CNTN5: variants seen among roughly 807,000 people sequenced by gnomAD.
CNTN5 encodes the protein contactin 5, also known as contactin-5.
A neutral mutation model predicts 129.1 loss-of-function variants in CNTN5; 77 were observed. That is an observed-to-expected ratio of 0.60 (90% CI 0.50 to 0.72). CNTN5 has a LOEUF of 0.72. CNTN5 is among the 30% of genes least tolerant of loss of function. CNTN5 has a pLI of 0.00. For synonymous variants in CNTN5, 509 were observed against 465.6 expected (o/e 1.09, Z -1.20); for missense variants, 1,478 against 1,328.8 (o/e 1.11, Z -1.75).
At chr11:100,058,388 A>G (rs1943325312) in intron 9 of CNTN5, among the ~76,000 whole-genome samples, 1 of 147,072 alleles carries the variant, frequency 6.8e-6, no homozygotes, top group Non-Finnish European at 1.5e-5. Flanking sequence ...ACTCACCATT[A>G]TGCTACTGCA....
chr11:99,887,189 C>T (rs777385023), intron 6 of CNTN5, among the ~76,000 whole-genome samples: 4 of 152,112 alleles, frequency 2.6e-5, no homozygotes, highest in Non-Finnish European at 5.9e-5. Context: ...TTCTCTCATC[C>T]TGCTTTCCCT....
chr11:99,694,538 A>C (rs1180698851), intron 3 of CNTN5, among the ~76,000 whole-genome samples: 2 of 152,024 alleles, frequency 1.3e-5, no homozygotes, highest in Non-Finnish European at 2.9e-5. Context: ...TTATTATTTC[A>C]CTTTAAGTTC....
chr11:99,100,833 T>C (rs141210263), intron 1 of CNTN5, among the ~76,000 whole-genome samples: 71 of 152,238 alleles, frequency 4.7e-4, no homozygotes, highest in African/African-American at 1.6e-3. Flanking sequence ...TTAAATAAAA[T>C]GCACTTGGAG....
At chr11:99,123,352 A>G (rs1052344710) in intron 1 of CNTN5, among the ~76,000 whole-genome samples, 1 of 151,956 alleles carries the variant, frequency 6.6e-6, no homozygotes, top group Non-Finnish European at 1.5e-5. Flanking sequence ...CTTCTTTTGA[A>G]AGATGTCTGT....
chr11:100,097,986 A>T (rs886289334), intron 13 of CNTN5, among the ~76,000 whole-genome samples: 1 of 151,996 alleles, frequency 6.6e-6, no homozygotes. Flanking sequence ...TTTAAGAAAA[A>T]ATCCTTCATT....
At chr11:99,063,394 CAAA>C (rs1332832177) in intron 1 of CNTN5, among the ~76,000 whole-genome samples, 18 of 151,842 alleles carry the variant, frequency 1.2e-4, no homozygotes, top group African/African-American at 4.3e-4. Flanking sequence ...GTTCAAGTAA[CAAA>C]ATTGTATTGC....
chr11:99,262,245 A>G (rs149128596), intron 1 of CNTN5, among the ~76,000 whole-genome samples: 29 of 152,134 alleles, frequency 1.9e-4, no homozygotes, highest in African/African-American at 6.5e-4. Context: ...TCCCTTTTTA[A>G]AAACAGACCT....
chr11:100,027,160 T>A (rs2137593123), intron 9 of CNTN5, among the ~76,000 whole-genome samples: 1 of 152,330 alleles, frequency 6.6e-6, no homozygotes, highest in Non-Finnish European at 1.5e-5. Flanking sequence ...TATGTTTTGG[T>A]CAATTGTTTG....
At chr11:100,064,431 C>T (rs1292591287) in intron 10 of CNTN5, among the ~76,000 whole-genome samples, 1 of 152,014 alleles carries the variant, frequency 6.6e-6, no homozygotes, top group Non-Finnish European at 1.5e-5. Context: ...AATGATACAA[C>T]ATCAAGAAGT....
At chr11:99,440,259 T>C (rs1223309962) in intron 2 of CNTN5, among the ~76,000 whole-genome samples, 1 of 152,114 alleles carries the variant, frequency 6.6e-6, no homozygotes. Flanking sequence ...AAGGGATATA[T>C]TTTGCTGTTG....
chr11:99,179,255 A>G (rs1334721922), intron 1 of CNTN5, among the ~76,000 whole-genome samples: 1 of 152,126 alleles, frequency 6.6e-6, no homozygotes, highest in Non-Finnish European at 1.5e-5. Flanking sequence ...CAGCCTGGCC[A>G]ACATGGTGAA....
At chr11:99,929,079 G>A (rs950648648) in intron 7 of CNTN5, among the ~76,000 whole-genome samples, 1 of 152,168 alleles carries the variant, frequency 6.6e-6, no homozygotes. Flanking sequence ...GGGGCAAAAT[G>A]CTGCCAGTCT....
chr11:99,668,892 T>G (rs1952913446), intron 3 of CNTN5, among the ~76,000 whole-genome samples: 1 of 152,162 alleles, frequency 6.6e-6, no homozygotes, highest in South Asian at 2.1e-4. Flanking sequence ...AAACACAGAC[T>G]GAAGTAAGTT....
chr11:100,070,414 ATACT>A lies in CNTN5; in HGVS notation c.1163-6_1163-3del. On this transcript the variant is annotated splice_region_variant and splice_polypyrimidine_tract_variant and intron_variant, in intron 10 of 24. Coordinates refer to ENST00000524871, the MANE Select transcript of CNTN5 (RefSeq NM_014361.4). ...GAAATCATCCTTGTTTACTGCTTAC[ATACT>A]TACAGCCTACCCACACTGGGTAGAA... is the stretch of plus-strand genomic sequence containing the variant. 6.2e-7 allele frequency: 1 copy of A among 1,610,066 alleles called. No homozygotes were observed.
At chr11:99,988,259 A>G (rs1299216684) in intron 8 of CNTN5, among the ~76,000 whole-genome samples, 2 of 152,260 alleles carry the variant, frequency 1.3e-5, no homozygotes, top group African/African-American at 4.8e-5. Context: ...TGTGCAGATT[A>G]AAGTGTGAAA....
In CNTN5 at chr11:99,061,475, G is replaced by C. The variant is rs537545193; in HGVS notation, c.-210+40205G>C. ...CCTCAACCACCAGGAAGGCCAGAGA[G>C]GTGAACGTGGAATATGGACAGACCT... On this transcript the variant is annotated intron_variant, in intron 1 of 24. Coordinates refer to ENST00000524871, the MANE Select transcript of CNTN5 (RefSeq NM_014361.4). Among the ~76,000 whole-genome samples, 6 of 152,144 alleles carry C rather than the reference G, an allele frequency of 3.9e-5. No individual in the cohort carries two copies. In the South Asian group the frequency reaches 1.2e-3, roughly 32 times the overall value.
At chr11:100,346,124 C>T (rs1015920043) in intron 23 of CNTN5, among the ~76,000 whole-genome samples, 14 of 151,952 alleles carry the variant, frequency 9.2e-5, no homozygotes, top group African/African-American at 1.4e-4. Flanking sequence ...GAAAATGAAA[C>T]AAAAACTTCA....
intron 21 of CNTN5, among the ~76,000 whole-genome samples, chr11:100,312,085 T>C (rs1327492670): frequency 1.3e-5 from 2 of 152,090 alleles, no homozygotes; most frequent in Non-Finnish European, 2.9e-5. Flanking sequence ...ATAGTAACTA[T>C]TCTATTTCAT....
At chr11:99,367,362 A>G (rs746008504) in intron 2 of CNTN5, among the ~76,000 whole-genome samples, 34 of 152,162 alleles carry the variant, frequency 2.2e-4, no homozygotes, top group Middle Eastern at 3.2e-3. Flanking sequence ...TTAAAGAAAC[A>G]TTAAAAGAAA....
Sources: gnomAD v4.1 joint callset for allele counts (sites outside exome capture counted in the v4.1 genomes callset) on GRCh38, gnomAD v4.1.1 for gene constraint, MANE v1.5 for transcripts, NCBI Gene and HGNC (gene_info 2026-07-23, HGNC 2026-07-21) for gene names.